ABLIM2: variants seen among roughly 807,000 people sequenced by gnomAD.
ABLIM2 encodes actin binding LIM protein family member 2.
A neutral mutation model predicts 97.7 loss-of-function variants in ABLIM2; 53 were observed. That is an observed-to-expected ratio of 0.54 (90% confidence interval 0.44 to 0.68). The LOEUF is 0.68. Ranked by LOEUF, ABLIM2 falls within the 30% of genes least tolerant of loss-of-function variation. ABLIM2 has a pLI of 0.00. For missense variants in ABLIM2, 835 were observed against 867.2 expected, an observed-to-expected ratio of 0.96 and a Z score of 0.47; for synonymous variants, 361 against 345.8, an observed-to-expected ratio of 1.04 and a Z score of -0.49.
chr4:8,107,363 G>A (rs191582975), intron 1 of ABLIM2, among the ~76,000 whole-genome samples: 7 of 152,368 alleles, frequency 4.6e-5, no homozygotes, highest in East Asian at 3.9e-4. Flanking sequence ...AGAGGGCCAC[G>A]GCCCAGAAGC....
Position 8,147,070 on chromosome 4 carries a change from T to C in ABLIM2, c.10+11610A>G. 6.6e-6 allele frequency among the ~76,000 whole-genome samples: 1 copy of C among 152,186 alleles called. No individual in the cohort carries two copies. The highest frequency in any genetic ancestry group is 2.1e-4 in the South Asian group (1 of 4,832). On this transcript the variant is annotated intron_variant, in intron 1 of 20. Coordinates refer to ENST00000447017, the MANE Select transcript of ABLIM2 (RefSeq NM_001130083.2). The surrounding 1 kb of genome is among the most constrained non-coding windows in gnomAD (Gnocchi z 5.3). ...TTTTTATTTCTGAAATTCATGTCTGTGTTTCAGAGGCTTTCTTCAGAAGAG... is the reference window on the plus strand; with the variant it reads ...TTTTTATTTCTGAAATTCATGTCTGCGTTTCAGAGGCTTTCTTCAGAAGAG...
chr4:8,061,599 C>T lies in ABLIM2; in HGVS notation c.676-545G>A, dbSNP rs1210411601. Among the ~76,000 whole-genome samples, 1 of 151,482 alleles carries T rather than the reference C, an allele frequency of 6.6e-6. No individual in the cohort carries two copies. The highest frequency in any genetic ancestry group is 1.5e-5 in the Non-Finnish European group (1 of 67,960). On this transcript the variant is annotated intron_variant, in intron 6 of 20. Coordinates refer to ENST00000447017, the MANE Select transcript of ABLIM2 (RefSeq NM_001130083.2). This position sits in a 1 kb window ranked among gnomAD's most constrained non-coding sequence, Gnocchi z 4.5. ...TTAAATTAGACTACAAATGCTAATA[C>T]TGAAATAACCCAAACAAACCACATT...
chr4:8,055,735 C>G (rs886515554), intron 7 of ABLIM2, among the ~76,000 whole-genome samples: 1 of 152,182 alleles, frequency 6.6e-6, no homozygotes, highest in African/African-American at 2.4e-5. Flanking sequence ...ACTCGAAGCT[C>G]TGAGAGATGG....
intron 20 of ABLIM2, among the ~76,000 whole-genome samples, chr4:7,971,258 C>G (rs909491193): frequency 1.3e-5 from 2 of 152,170 alleles, no homozygotes; most frequent in Admixed American, 1.3e-4. Flanking sequence ...CCAGCTGACC[C>G]CAGAGACTGG....
chr4:7,990,034 C>T (rs1747472489), intron 17 of ABLIM2, among the ~76,000 whole-genome samples: 1 of 152,040 alleles, frequency 6.6e-6, no homozygotes, highest in African/African-American at 2.4e-5. Context: ...GTCACTGGGC[C>T]CTTGTAACAA....
Position 8,003,945 on chromosome 4 carries a change from C to A in ABLIM2, c.1618+4114G>T, listed in dbSNP as rs763538979. Among the ~76,000 whole-genome samples the A allele has an allele frequency of 1.1e-4, 16 of 152,216 alleles. No homozygotes were observed. In the East Asian group the frequency reaches 2.9e-3, roughly 28 times the overall value. On this transcript the variant is annotated intron_variant, in intron 16 of 20. Transcript: ENST00000447017. This position sits in a 1 kb window ranked among gnomAD's most constrained non-coding sequence, Gnocchi z 4.2. ...TAAGCCTGAGGCCAGGTGCCCTGCCCGTCCCACCAGATATCCTCACGAGAT... is the reference window on the plus strand; with the variant it reads ...TAAGCCTGAGGCCAGGTGCCCTGCCAGTCCCACCAGATATCCTCACGAGAT...
chr4:8,106,177 C>T (rs560211143), intron 2 of ABLIM2, among the ~76,000 whole-genome samples: 1 of 152,298 alleles, frequency 6.6e-6, no homozygotes, highest in East Asian at 1.9e-4. Flanking sequence ...ACCTGTGTGG[C>T]TACAGTGCTC....
At chr4:8,080,835 C>T (rs1819360272) in intron 4 of ABLIM2, 33 bp from the exon 5 acceptor site, 1 of 1,578,938 alleles carries the variant, frequency 6.3e-7, no homozygotes, top group Non-Finnish European at 8.6e-7. Flanking sequence ...CAGACACCCC[C>T]ACCATTGTGA....
At chr4:8,013,172 C>T (rs1432189245) in intron 14 of ABLIM2, among the ~76,000 whole-genome samples, 1 of 151,436 alleles carries the variant, frequency 6.6e-6, no homozygotes, top group Non-Finnish European at 1.5e-5. Flanking sequence ...TACTGAATAC[C>T]TACTCATCAG....
At chr4:8,034,208 A>G (rs1560802969) in intron 10 of ABLIM2, among the ~76,000 whole-genome samples, 1 of 152,136 alleles carries the variant, frequency 6.6e-6, no homozygotes, top group Non-Finnish European at 1.5e-5. Flanking sequence ...CAGATGTTGG[A>G]CAATAAAGCC....
intron 9 of ABLIM2, among the ~76,000 whole-genome samples, chr4:8,040,830 T>C (rs2151603138): frequency 6.6e-6 from 1 of 152,258 alleles, no homozygotes; most frequent in South Asian, 2.1e-4. Flanking sequence ...GTGCTGACCA[T>C]GGTGCTTGGA....
intron 14 of ABLIM2, among the ~76,000 whole-genome samples, chr4:8,016,144 A>C (rs1246388437): frequency 6.8e-6 from 1 of 146,714 alleles, no homozygotes; most frequent in African/African-American, 2.6e-5. Flanking sequence ...TCCCGGGTTC[A>C]AGCGATTCTC....
intron 6 of ABLIM2, among the ~76,000 whole-genome samples, chr4:8,073,571 A>G (rs1813843627): frequency 6.6e-6 from 1 of 151,926 alleles, no homozygotes; most frequent in Non-Finnish European, 1.5e-5. Flanking sequence ...CCACGGCCCC[A>G]GGAGAAGGGG....
intron 14 of ABLIM2, among the ~76,000 whole-genome samples, chr4:8,011,183 A>G (rs1396183047): frequency 6.6e-6 from 1 of 152,238 alleles, no homozygotes; most frequent in African/African-American, 2.4e-5. Flanking sequence ...TGGCCATGGA[A>G]GATGGGTTGA....
At chr4:8,045,899 G>A (rs1465099617) in intron 8 of ABLIM2, among the ~76,000 whole-genome samples, 3 of 152,070 alleles carry the variant, frequency 2.0e-5, no homozygotes, top group Non-Finnish European at 4.4e-5. Context: ...CTGGGAACAC[G>A]GGACCATCTT....
chr4:8,138,248 ACAT>A (rs954156604), intron 1 of ABLIM2, among the ~76,000 whole-genome samples: 1 of 152,226 alleles, frequency 6.6e-6, no homozygotes, highest in Non-Finnish European at 1.5e-5. Context: ...GATGATGGCT[ACAT>A]CATCATTCAA....
intron 1 of ABLIM2, among the ~76,000 whole-genome samples, chr4:8,110,569 C>T (rs1839812894): frequency 7.2e-6 from 1 of 138,794 alleles, no homozygotes; most frequent in Admixed American, 8.0e-5. Context: ...AACAAGTGCT[C>T]AATACACAAT....
chr4:8,136,274 T>C (rs1186374727), intron 1 of ABLIM2, among the ~76,000 whole-genome samples: 1 of 152,094 alleles, frequency 6.6e-6, no homozygotes, highest in Non-Finnish European at 1.5e-5. Context: ...GAAGGGTGGG[T>C]GGCAGGGGCC....
rs1483147092 is a variant in ABLIM2, at chr4:8,132,745, C to A, written c.10+25935G>T. Among the ~76,000 whole-genome samples, 1 of 152,214 alleles carries A rather than the reference C, an allele frequency of 6.6e-6. No homozygotes were observed. The highest frequency in any genetic ancestry group is 1.5e-5 in the Non-Finnish European group (1 of 68,028). ...CCAGAGCCCTGGGACCTGGGCCCAG[C>A]GACTGAACCTCTTAGAGCCTCAGTT... On this transcript the variant is annotated intron_variant, in intron 1 of 20. Transcript: ENST00000447017. The surrounding 1 kb of genome is among the most constrained non-coding windows in gnomAD (Gnocchi z 8.0).
Sources: allele counts gnomAD v4.1 joint callset (sites outside exome capture counted in the v4.1 genomes callset), GRCh38; gene constraint gnomAD v4.1.1; non-coding constraint Gnocchi (gnomAD v3.1); transcripts MANE v1.5; gene names NCBI Gene and HGNC (gene_info 2026-07-23, HGNC 2026-07-21).